HLCS: variants seen among roughly 807,000 people sequenced by gnomAD.
The protein encoded by HLCS is biotin--protein ligase.
HLCS carries 53 observed loss-of-function variants against 75.0 expected under a neutral mutation model. The ratio of observed to expected loss-of-function variants is 0.71; its 90% CI spans 0.57 to 0.89. The LOEUF (loss-of-function observed/expected upper bound fraction) is 0.89. Among genes scored for constraint, HLCS ranks in the 40% least tolerant of loss-of-function variants. The probability of loss-of-function intolerance (pLI) is 0.00; values close to 1 mark genes in which losing one functional copy is unlikely to be tolerated. For synonymous variants in HLCS, 431 were observed against 428.6 expected (o/e 1.01, Z -0.07); for missense variants, 966 against 1,074.0 (o/e 0.90, Z 1.41).
rs1186035435 is a variant in HLCS, at chr21:36,767,209, A to T, written c.1960+9T>A. On this transcript the variant is annotated intron_variant, in intron 7 of 10. Transcript: ENST00000674895. ...GAAGTAACAGCAATGATCACAAAAG[A>T]TGACTGACCTTTGCCCTCGGTCTGC... 1 of 1,613,642 alleles carries T rather than the reference A, an allele frequency of 6.2e-7. No individual in the cohort carries two copies. The highest frequency in any genetic ancestry group is 1.3e-5 in the African/African-American group (1 of 74,916).
chr21:36,951,721 T>C (rs1348432955), intron 2 of HLCS, among the ~76,000 whole-genome samples: 2 of 152,174 alleles, frequency 1.3e-5, no homozygotes, highest in Admixed American at 1.3e-4. Flanking sequence ...ACAAGGAACA[T>C]AAGCAAATTT....
chr21:36,869,963 G>T (rs903675222), intron 6 of HLCS, among the ~76,000 whole-genome samples: 3 of 152,090 alleles, frequency 2.0e-5, no homozygotes, highest in Non-Finnish European at 4.4e-5. Flanking sequence ...AATATGAACA[G>T]GAGAAAACCA....
chr21:36,908,562 A>C (rs2065563099), intron 5 of HLCS, among the ~76,000 whole-genome samples: 1 of 152,054 alleles, frequency 6.6e-6, no homozygotes, highest in Admixed American at 6.6e-5. Flanking sequence ...GAGAAATTCT[A>C]CTCCTAGGTA....
At chr21:36,803,204 A>G (rs752726627) in intron 6 of HLCS, among the ~76,000 whole-genome samples, 8 of 152,220 alleles carry the variant, frequency 5.3e-5, no homozygotes, top group Non-Finnish European at 7.3e-5. Flanking sequence ...ATCTTCTTCC[A>G]TTGACAAGCC....
chr21:36,782,631 C>T (rs1293352842), intron 6 of HLCS, among the ~76,000 whole-genome samples: 2 of 151,964 alleles, frequency 1.3e-5, no homozygotes, highest in Non-Finnish European at 2.9e-5. Flanking sequence ...TACCGAACAG[C>T]AAAGGAAAAC....
chr21:36,941,773 G>A (rs1245228483), intron 2 of HLCS, among the ~76,000 whole-genome samples: 2 of 152,226 alleles, frequency 1.3e-5, no homozygotes, highest in Admixed American at 1.3e-4. Flanking sequence ...GGGAGGCCAA[G>A]GCAGGTGGAC....
At chr21:36,911,767 A>C (rs968821842) in intron 5 of HLCS, among the ~76,000 whole-genome samples, 7 of 150,286 alleles carry the variant, frequency 4.7e-5, no homozygotes, top group Non-Finnish European at 1.0e-4. Context: ...AAAAAAAAAA[A>C]AAAAACATTA....
chr21:36,806,131 T>C (rs527563999), intron 6 of HLCS: 1 of 152,334 alleles, frequency 6.6e-6, no homozygotes, highest in South Asian at 2.1e-4. Context: ...TAGACAGACA[T>C]GTTCTGGGTC....
At chr21:36,760,883 C>A (rs2089812835) in intron 8 of HLCS, among the ~76,000 whole-genome samples, 1 of 152,212 alleles carries the variant, frequency 6.6e-6, no homozygotes, top group Admixed American at 6.5e-5. Context: ...AGAGACGGGG[C>A]TAGCCGAGTG....
At chr21:36,813,215 G>A (rs2145968909) in intron 6 of HLCS, among the ~76,000 whole-genome samples, 1 of 152,312 alleles carries the variant, frequency 6.6e-6, no homozygotes, top group Non-Finnish European at 1.5e-5. Context: ...GCATTCCTCT[G>A]AACAAACTTG....
intron 6 of HLCS, among the ~76,000 whole-genome samples, chr21:36,828,023 C>T (rs1240035033): frequency 6.6e-6 from 1 of 152,028 alleles, no homozygotes; most frequent in African/African-American, 2.4e-5. Flanking sequence ...CCGTGTTAGC[C>T]AGGATGGTCT....
intron 5 of HLCS, among the ~76,000 whole-genome samples, chr21:36,904,969 C>T (rs1231855662): frequency 1.3e-5 from 2 of 152,196 alleles, no homozygotes; most frequent in African/African-American, 2.4e-5. Flanking sequence ...CGCAAATGCA[C>T]CTATTTCTTT....
intron 1 of HLCS, chr21:36,981,083 ACAC>A (rs2069111159): frequency 6.6e-6 from 1 of 152,376 alleles, no homozygotes; most frequent in South Asian, 2.1e-4. Flanking sequence ...CTCGCCTGCA[ACAC>A]CACCCACCCA....
chr21:36,874,657 G>A (rs150723698), intron 6 of HLCS, among the ~76,000 whole-genome samples: 9 of 152,358 alleles, frequency 5.9e-5, no homozygotes, highest in Middle Eastern at 3.4e-3. Flanking sequence ...TAGTGAGGAC[G>A]TGGTGGCCCA....
chr21:36,783,892 T>A (rs1352889640), intron 6 of HLCS, among the ~76,000 whole-genome samples: 3 of 152,154 alleles, frequency 2.0e-5, no homozygotes, highest in Non-Finnish European at 2.9e-5. Flanking sequence ...ATGGCAGGCT[T>A]CCAACAGTGA....
At position 36,752,106 on chromosome 21, in the gene HLCS, T is replaced by G. The variant is rs373982140; in HGVS notation, c.*2140A>C. 7 of 152,730 alleles carry G rather than the reference T, an allele frequency of 4.6e-5. No homozygotes were observed. In the East Asian group the frequency reaches 9.7e-4, roughly 21 times the overall value. 9.5% of individuals were successfully genotyped at this position (152,730 alleles called of 1,614,324 possible). ...TATAGAAGCGGAGTTTTGAGAGTCTTTGGTTCATGTGAGGCAAAATCAGGT... is the reference window on the plus strand; with the variant it reads ...TATAGAAGCGGAGTTTTGAGAGTCTGTGGTTCATGTGAGGCAAAATCAGGT... On this transcript the variant is annotated 3_prime_UTR_variant, in exon 11 of 11. Transcript: ENST00000674895.
intron 6 of HLCS, among the ~76,000 whole-genome samples, chr21:36,783,633 A>G (rs537726998): frequency 3.9e-5 from 6 of 152,190 alleles, no homozygotes; most frequent in Non-Finnish European, 7.3e-5. Context: ...ACAAAGTGCC[A>G]TTACGTGCAA....
Position 36,910,362 on chromosome 21 carries a change from T to C in HLCS, c.1621-13231A>G, listed in dbSNP as rs559759829. ...GAGTTTGAGACCAGCCTGGCCAACA[T>C]GGTGAAACCCCATCTCTACTAAAAA... On this transcript the variant is annotated intron_variant, in intron 5 of 10. Transcript: ENST00000674895. 7.0e-4 allele frequency among the ~76,000 whole-genome samples: 107 copies of C among 152,200 alleles called. 1 individual carries two copies. Among genetic ancestry groups the C allele is most frequent in the Non-Finnish European group, 2.8e-4 (19 of 67,994 alleles).
chr21:36,772,849 C>T (rs1334440950), intron 6 of HLCS, among the ~76,000 whole-genome samples: 7 of 151,678 alleles, frequency 4.6e-5, no homozygotes, highest in South Asian at 4.2e-4. Flanking sequence ...GGCATGGTGG[C>T]GCGCACCTGT....
Sources: allele counts gnomAD v4.1 joint callset (sites outside exome capture counted in the v4.1 genomes callset), GRCh38; gene constraint gnomAD v4.1.1; transcripts MANE v1.5; gene names NCBI Gene and HGNC (gene_info 2026-07-23, HGNC 2026-07-21).